Variants in ZNF143 observed in about 807,000 individuals in gnomAD.
ZNF143 encodes zinc finger protein 143.
ZNF143 carries 49 observed loss-of-function variants against 74.1 expected under a neutral mutation model. That is an observed-to-expected ratio of 0.66 (90% CI 0.53 to 0.84). The LOEUF (loss-of-function observed/expected upper bound fraction) is 0.84. Among genes scored for constraint, ZNF143 ranks in the 40% least tolerant of loss-of-function variants. ZNF143 has a pLI of 0.00. For synonymous variants in ZNF143, 304 were observed against 282.8 expected, an observed-to-expected ratio of 1.07 and a Z score of -0.75; for missense variants, 637 against 793.4, an observed-to-expected ratio of 0.80 and a Z score of 2.37.
chr11:9,462,260 CTTT>C (rs67444530), intron 1 of ZNF143, among the ~76,000 whole-genome samples: 2 of 144,360 alleles, frequency 1.4e-5, no homozygotes, highest in East Asian at 2.1e-4. Context: ...ACTTGAGTGC[CTTT>C]TTTTTTTTTG....
At chr11:9,495,295 G>C (rs946640290) in intron 8 of ZNF143, among the ~76,000 whole-genome samples, 1 of 152,130 alleles carries the variant, frequency 6.6e-6, no homozygotes, top group East Asian at 1.9e-4. Flanking sequence ...TACAAAATTA[G>C]CCGGGCGCAG....
Position 9,473,956 on chromosome 11 carries a change from A to C in ZNF143, c.221A>C (p.Asp74Ala). 1.2e-6 allele frequency: 2 copies of C among 1,614,122 alleles called. No individual in the cohort carries two copies. Among genetic ancestry groups the C allele is most frequent in the Non-Finnish European group, 1.7e-6 (2 of 1,179,986 alleles). The change falls in exon 4 of 16, where the codon GAT (aspartate) becomes GCT (alanine). Residue 74 changes from aspartate to alanine, a missense_variant. This residue lies in a region of ZNF143 where 293 missense variants were observed against 307.8 expected (regional missense o/e 0.95). Transcript: ENST00000396602. ...TTTGTTATAGATGCAAAACTCATAG[A>C]TGGCCAGGTCATTCAGTTGGAAGAT... The part of the protein sequence containing the change: ...QHNSKDAKLI[D>A]GQVIQLEDGS...
At chr11:9,479,598 C>T (rs765941751) in intron 7 of ZNF143, 52 bp downstream of exon 7, 1 of 1,483,446 alleles carries the variant, frequency 6.7e-7, no homozygotes, top group Non-Finnish European at 9.3e-7. Context: ...TTTCTGTGCC[C>T]TTCTGTGGAT....
Position 9,527,509 on chromosome 11 carries a change from A to ATG in ZNF143, c.1834-13_1834-12dup, listed in dbSNP as rs573199784. The ATG allele has an allele frequency of 3.2e-4, 516 of 1,605,476 alleles. 3 individuals are homozygous for ATG. In the East Asian group the frequency reaches 9.2e-3, roughly 29 times the overall value. Reference sequence around the variant, plus strand: ...GTGGCTTTTGAATTGTTAGCGTTTGATGTGTGTGTTCCTGTTTCAGCTTGG... The same window carrying ATG: ...GTGGCTTTTGAATTGTTAGCGTTTGATGTGTGTGTGTTCCTGTTTCAGCTTGG... On this transcript the variant is annotated intron_variant, in intron 15 of 15. Coordinates refer to ENST00000396602, the MANE Select transcript of ZNF143 (RefSeq NM_003442.6).
At chr11:9,515,663 A>G (rs1224383002) in intron 13 of ZNF143, among the ~76,000 whole-genome samples, 3 of 146,692 alleles carry the variant, frequency 2.0e-5, no homozygotes, top group Non-Finnish European at 4.5e-5. Flanking sequence ...CAAAAAAAAA[A>G]AAAAAGAAAA....
intron 14 of ZNF143, among the ~76,000 whole-genome samples, chr11:9,516,886 T>C (rs1848743470): frequency 6.6e-6 from 1 of 152,094 alleles, no homozygotes; most frequent in East Asian, 1.9e-4. Flanking sequence ...AATAAGTAAA[T>C]AGTCATCTCC....
chr11:9,462,552 G>C (rs1285786207), intron 1 of ZNF143, among the ~76,000 whole-genome samples: 1 of 133,146 alleles, frequency 7.5e-6, no homozygotes, highest in African/African-American at 2.5e-5. Context: ...GACAGAGACC[G>C]GTCTCGAAAA....
chr11:9,494,209 C>G (rs1847881083), intron 7 of ZNF143, among the ~76,000 whole-genome samples: 1 of 152,178 alleles, frequency 6.6e-6, no homozygotes, highest in Admixed American at 6.5e-5. Flanking sequence ...CTGAAAGAGT[C>G]CTAATAAAGT....
At chr11:9,511,424 G>A (rs1423298762) in intron 12 of ZNF143, among the ~76,000 whole-genome samples, 2 of 151,524 alleles carry the variant, frequency 1.3e-5, no homozygotes, top group Non-Finnish European at 2.9e-5. Flanking sequence ...AGCCCCCTGA[G>A]TAGCTGGGAC....
At chr11:9,513,519 C>A (rs1184810914) in intron 13 of ZNF143, among the ~76,000 whole-genome samples, 1 of 152,218 alleles carries the variant, frequency 6.6e-6, no homozygotes, top group Non-Finnish European at 1.5e-5. Context: ...CCTCCCTGTT[C>A]CCTATACAGG....
At chr11:9,495,282 A>T (rs763288294) in intron 8 of ZNF143, among the ~76,000 whole-genome samples, 2 of 152,104 alleles carry the variant, frequency 1.3e-5, no homozygotes, top group African/African-American at 2.4e-5. Context: ...TTTCTACTAA[A>T]AATACAAAAT....
chr11:9,524,481 A>G (rs1329143310), intron 14 of ZNF143, among the ~76,000 whole-genome samples: 1 of 152,250 alleles, frequency 6.6e-6, no homozygotes, highest in Non-Finnish European at 1.5e-5. Context: ...AATATCTATT[A>G]GCTTAAAATG....
intron 11 of ZNF143, among the ~76,000 whole-genome samples, chr11:9,502,403 A>C (rs1411770018): frequency 6.7e-6 from 1 of 150,066 alleles, no homozygotes; most frequent in African/African-American, 2.5e-5. Context: ...AGGTCAGGAT[A>C]TCGAGACCAT....
intron 11 of ZNF143, among the ~76,000 whole-genome samples, chr11:9,502,220 G>C (rs1180899121): frequency 7.2e-6 from 1 of 138,536 alleles, no homozygotes; most frequent in Admixed American, 7.3e-5. Flanking sequence ...CCAGGTGTGA[G>C]CCACCGCGCC....
intron 11 of ZNF143, among the ~76,000 whole-genome samples, chr11:9,502,413 TC>T (rs201828753): frequency 0.027 from 4,033 of 151,002 alleles, 158 homozygotes; most frequent in African/African-American, 0.091. Context: ...ATCGAGACCA[TC>T]CTTGGCTAAC....
chr11:9,505,239 T>C lies in ZNF143; in HGVS notation c.1148-3380T>C, dbSNP rs183431377. ...CACCCACCTTGGCCTCCCAAAGTGCTAGGATTACAGGCGTGAGCCACCATG... is the reference window on the plus strand; with the variant it reads ...CACCCACCTTGGCCTCCCAAAGTGCCAGGATTACAGGCGTGAGCCACCATG... On this transcript the variant is annotated intron_variant, in intron 11 of 15. Transcript: ENST00000396602. 1.5e-4 allele frequency among the ~76,000 whole-genome samples: 21 copies of C among 136,770 alleles called. 5 individuals carry two copies. Among genetic ancestry groups the C allele is most frequent in the Non-Finnish European group, 3.2e-4 (19 of 59,862 alleles). The allele number at this position is 136,770 out of a possible 152,430, so 89.7% of individuals were successfully genotyped here. A position where few individuals can be genotyped will look rare whatever the true frequency, so the allele number is the denominator to read the frequency against.
rs373305657 is a variant in ZNF143 at position 9,498,636 on chromosome 11, G to T, written c.967+836G>T. On this transcript the variant is annotated intron_variant, in intron 10 of 15. Coordinates refer to ENST00000396602, the MANE Select transcript of ZNF143 (RefSeq NM_003442.6). ...TTATATTTGATTACTTGTGGAGTTG[G>T]TATTAATAAGATAAATATTTGCTTT... is the stretch of plus-strand genomic sequence containing the variant. Among the ~76,000 whole-genome samples, 8 of 151,988 alleles carry T rather than the reference G, an allele frequency of 5.3e-5. No individual in the cohort carries two copies. The South Asian group carries it at 1.7e-3, about 32-fold the overall frequency.
At chr11:9,484,718 A>T (rs1285370028) in intron 7 of ZNF143, among the ~76,000 whole-genome samples, 2 of 144,296 alleles carry the variant, frequency 1.4e-5, no homozygotes, top group Admixed American at 1.4e-4. Flanking sequence ...TCCCAGTTGA[A>T]CTCCTGACCT....
In ZNF143 at chr11:9,474,519, A is replaced by G. The variant is rs377609755; in HGVS notation, c.290-31A>G. ...AGTTAATTGGAATGTGCTAGAAAAC[A>G]TGAGATCTAAATGTAAGCATTGTTC... On this transcript the variant is annotated intron_variant, in intron 4 of 15. Transcript: ENST00000396602. 6 of 1,610,882 alleles carry G rather than the reference A, an allele frequency of 3.7e-6. No homozygotes were observed. In the African/African-American group the frequency reaches 5.3e-5, roughly 14 times the overall value.
Sources: gnomAD v4.1 joint callset for allele counts (sites outside exome capture counted in the v4.1 genomes callset) on GRCh38, gnomAD v4.1.1 for gene constraint, gnomAD v4.1.1 regional missense constraint, MANE v1.5 for transcripts, NCBI Gene and HGNC (gene_info 2026-07-23, HGNC 2026-07-21) for gene names.